LIPK: variants seen among roughly 807,000 people sequenced by gnomAD.
LIPK encodes the protein lipase member K.
Under a neutral mutation model 48.6 loss-of-function variants are expected in LIPK, and 32 were observed. That is an observed-to-expected ratio of 0.66 (90% CI 0.50 to 0.88). LIPK has a LOEUF of 0.88. Ranked by LOEUF, LIPK falls within the 40% of genes least tolerant of loss-of-function variation. The probability of loss-of-function intolerance (pLI) is 0.00; values close to 1 mark genes in which losing one functional copy is unlikely to be tolerated. For missense variants in LIPK, 507 were observed against 478.5 expected (o/e 1.06, Z -0.56); for synonymous variants, 164 against 157.4 (o/e 1.04, Z -0.32).
chr10:88,748,136 C>T (rs1322206282), intron 9 of LIPK, among the ~76,000 whole-genome samples: 1 of 152,034 alleles, frequency 6.6e-6, no homozygotes. Context: ...CAGCTGGAAG[C>T]CATCATCCTC....
rs919619703 is a variant in LIPK at position 88,737,018 on chromosome 10, C to G, written c.670-617C>G. Among the ~76,000 whole-genome samples the G allele has an allele frequency of 3.9e-5, 6 of 152,200 alleles. 1 individual carries two copies. Among genetic ancestry groups the G allele is most frequent in the Admixed American group, 2.0e-4 (3 of 15,286 alleles). Reference sequence around the variant, plus strand: ...GCTGTGAAGCAAAGAAACTCACTTGCAACACTGCCTGAAATTACACTAGTA... The same window carrying G: ...GCTGTGAAGCAAAGAAACTCACTTGGAACACTGCCTGAAATTACACTAGTA... On this transcript the variant is annotated intron_variant, in intron 6 of 9. Coordinates refer to ENST00000404190, the MANE Select transcript of LIPK (RefSeq NM_001080518.2).
intron 1 of LIPK, among the ~76,000 whole-genome samples, chr10:88,707,509 CAT>C (rs1242991702): frequency 1.3e-5 from 2 of 152,136 alleles, no homozygotes. Flanking sequence ...TTATCGAAGA[CAT>C]GTGAAATATA....
At chr10:88,741,118 T>C (rs1266866090) in intron 8 of LIPK, among the ~76,000 whole-genome samples, 1 of 152,238 alleles carries the variant, frequency 6.6e-6, no homozygotes, top group Non-Finnish European at 1.5e-5. Flanking sequence ...CATATGATTT[T>C]ATTCAGTCTC....
Position 88,732,420 on chromosome 10 carries a change from A to G in LIPK, c.538A>G (p.Ile180Val). The G allele has an allele frequency of 1.2e-6, 2 of 1,606,708 alleles. No homozygotes were observed. The highest frequency in any genetic ancestry group is 1.7e-6 in the Non-Finnish European group (2 of 1,178,188). Residue 180 changes from isoleucine to valine, a missense_variant, in exon 6 of 10, where the codon ATA becomes GTA. Physicochemically the swap from Ile to Val is conservative, Grantham distance 29. Coordinates refer to ENST00000404190, the MANE Select transcript of LIPK (RefSeq NM_001080518.2). Reference protein sequence around the residue: ...GHSQGTTIAFIAFSTNPELAK... With the variant: ...GHSQGTTIAFVAFSTNPELAK... ...ACTGTCTTCTTCCATTTCAGCTTTT[A>G]TAGCATTTTCTACAAACCCAGAACT...
chr10:88,740,931 A>T (rs1842669703), intron 8 of LIPK, among the ~76,000 whole-genome samples: 1 of 152,156 alleles, frequency 6.6e-6, no homozygotes, highest in Admixed American at 6.5e-5. Context: ...TACTTGGAAG[A>T]GTTTGATCCC....
At chr10:88,711,704 G>A (rs1319556244) in intron 1 of LIPK, among the ~76,000 whole-genome samples, 1 of 152,090 alleles carries the variant, frequency 6.6e-6, no homozygotes, top group Non-Finnish European at 1.5e-5. Flanking sequence ...TGAGCTCCTG[G>A]CCTCAAGTGA....
At chr10:88,721,131 CATTAGCA>C (rs1367556348) in intron 1 of LIPK, among the ~76,000 whole-genome samples, 7 of 9,126 alleles carry the variant, frequency 7.7e-4, no homozygotes. Context: ...TCCTTATATG[CATTAGCA>C]TATAAGGATA....
intron 1 of LIPK, among the ~76,000 whole-genome samples, chr10:88,716,185 T>TA (rs1842113820): frequency 6.6e-6 from 1 of 152,070 alleles, no homozygotes; most frequent in Non-Finnish European, 1.5e-5. Context: ...AATTAGATAC[T>TA]AGACTAGATA....
At chr10:88,727,887 A>G in intron 3 of LIPK, 1 of 381,392 alleles carries the variant, frequency 2.6e-6, no homozygotes, top group Non-Finnish European at 5.1e-6. Flanking sequence ...AAGATGCTGG[A>G]GACCATGTGG....
At chr10:88,743,050 G>T (rs933486098) in intron 8 of LIPK, among the ~76,000 whole-genome samples, 200 bp from the exon 9 acceptor site, 2 of 152,158 alleles carry the variant, frequency 1.3e-5, no homozygotes, top group Non-Finnish European at 2.9e-5. Flanking sequence ...ATACAGGAAT[G>T]AGTAAAAGAT....
intron 1 of LIPK, among the ~76,000 whole-genome samples, chr10:88,714,291 T>A (rs1352587594): frequency 6.6e-6 from 1 of 152,308 alleles, no homozygotes; most frequent in South Asian, 2.1e-4. Context: ...TTAAAACTGA[T>A]CATTTTAAAC....
intron 6 of LIPK, among the ~76,000 whole-genome samples, chr10:88,736,904 G>C (rs1842582891): frequency 6.6e-6 from 1 of 152,136 alleles, no homozygotes; most frequent in Admixed American, 6.5e-5. Context: ...TATTTTTACT[G>C]TAAATAGGTG....
intron 8 of LIPK, among the ~76,000 whole-genome samples, chr10:88,741,822 C>T (rs1159979013): frequency 6.6e-6 from 1 of 152,102 alleles, no homozygotes; most frequent in East Asian, 1.9e-4. Flanking sequence ...AATATCTTGC[C>T]TTGAATCACA....
At chr10:88,715,724 CTTT>C (rs1287732495) in intron 1 of LIPK, among the ~76,000 whole-genome samples, 1 of 151,736 alleles carries the variant, frequency 6.6e-6, no homozygotes, top group African/African-American at 2.4e-5. Flanking sequence ...CCTTTTCTTT[CTTT>C]TTTCTTTCTT....
At chr10:88,726,337 G>A (rs1326753826) in intron 2 of LIPK, among the ~76,000 whole-genome samples, 1 of 152,174 alleles carries the variant, frequency 6.6e-6, no homozygotes, top group Non-Finnish European at 1.5e-5. Flanking sequence ...TATCCTCATA[G>A]GAATATTACA....
At chr10:88,710,709 A>G (rs1256636406) in intron 1 of LIPK, among the ~76,000 whole-genome samples, 1 of 152,158 alleles carries the variant, frequency 6.6e-6, no homozygotes, top group Non-Finnish European at 1.5e-5. Flanking sequence ...TAACATGATT[A>G]TGTGTCCATT....
rs1348465574 is a variant in LIPK at position 88,737,896 on chromosome 10, T to C, written c.816+115T>C. On this transcript the variant is annotated intron_variant, in intron 7 of 9. Transcript: ENST00000404190. ...CAAGGTTTCCTTTTTGCATTTGGAA[T>C]GTAATTAGTACATTTATGGCTTCCA... The C allele has an allele frequency of 1.3e-5, 15 of 1,122,136 alleles. No homozygotes were observed. The Admixed American group carries it at 2.9e-4, about 22-fold the overall frequency. The allele number at this position is 1,122,136 out of a possible 1,614,324, so 69.5% of individuals were successfully genotyped here. A position where few individuals can be genotyped will look rare whatever the true frequency, so the allele number is the denominator to read the frequency against.
In LIPK at chr10:88,707,896, C is replaced by T. The variant is rs141513600; in HGVS notation, c.-12+1576C>T. The stretch of plus-strand genomic sequence containing the variant: ...TGACCACTAATAGTTGTGAGTCACT[C>T]TGTTTTGGTAAGAGGTTAAAAGTAT... On this transcript the variant is annotated intron_variant, in intron 1 of 9. Transcript: ENST00000404190. Among the ~76,000 whole-genome samples the T allele has an allele frequency of 1.5e-3, 222 of 152,224 alleles. 1 individual carries two copies. Among genetic ancestry groups the T allele is most frequent in the Non-Finnish European group, 2.8e-3 (187 of 67,988 alleles).
At chr10:88,744,688 G>A (rs1217744987) in intron 9 of LIPK, among the ~76,000 whole-genome samples, 2 of 152,218 alleles carry the variant, frequency 1.3e-5, no homozygotes, top group African/African-American at 4.8e-5. Context: ...CAGTTGAGAA[G>A]GAATCAGTGC....
Sources: allele counts gnomAD v4.1 joint callset (sites outside exome capture counted in the v4.1 genomes callset), GRCh38; gene constraint gnomAD v4.1.1; transcripts MANE v1.5; gene names NCBI Gene and HGNC (gene_info 2026-07-23, HGNC 2026-07-21).